The following PIBF1 variants were observed in gnomAD, a reference collection of about 807,000 sequenced individuals.
PIBF1 encodes the protein progesterone-induced-blocking factor 1.
PIBF1 carries 90 observed loss-of-function variants against 112.5 expected under a neutral mutation model. That is an observed-to-expected ratio of 0.80 (90% CI 0.67 to 0.95). PIBF1 has a LOEUF of 0.95. Among genes scored for constraint, PIBF1 ranks in the 40% least tolerant of loss-of-function variants. PIBF1 has a pLI of 0.00. For missense variants in PIBF1, 915 were observed against 852.3 expected, an observed-to-expected ratio of 1.07 and a Z score of -0.92; for synonymous variants, 301 against 288.6, an observed-to-expected ratio of 1.04 and a Z score of -0.44.
intron 16 of PIBF1, among the ~76,000 whole-genome samples, chr13:72,978,274 T>C (rs1478911455): frequency 6.6e-6 from 1 of 152,198 alleles, no homozygotes; most frequent in African/African-American, 2.4e-5. Context: ...ACTAAGTACA[T>C]CCACATAAAT....
At chr13:72,937,848 T>C (rs1000895557) in intron 14 of PIBF1, among the ~76,000 whole-genome samples, 1 of 152,088 alleles carries the variant, frequency 6.6e-6, no homozygotes, top group Non-Finnish European at 1.5e-5. Context: ...TAAACAGTGA[T>C]AATCTTATAA....
chr13:72,963,571 G>A (rs577648424), intron 14 of PIBF1, among the ~76,000 whole-genome samples: 4 of 152,224 alleles, frequency 2.6e-5, no homozygotes, highest in Admixed American at 2.0e-4. Flanking sequence ...TCCAGCCTGG[G>A]TGACAGAGCA....
chr13:73,002,983 CAAAAAAAAA>C (rs1161228077), intron 17 of PIBF1, among the ~76,000 whole-genome samples: 23 of 57,522 alleles, frequency 4.0e-4, no homozygotes, highest in African/African-American at 1.7e-3. Context: ...ACTCTGGTCT[CAAAAAAAAA>C]AAAAAAAAAA....
chr13:72,817,668 A>G (rs1322061357), intron 5 of PIBF1, among the ~76,000 whole-genome samples: 1 of 152,210 alleles, frequency 6.6e-6, no homozygotes, highest in Non-Finnish European at 1.5e-5. Flanking sequence ...GTGAAAAAAT[A>G]GGATAAACTC....
At position 72,950,004 on chromosome 13, in the gene PIBF1, G is replaced by A. The variant is rs556446936; in HGVS notation, c.1834-15270G>A. On this transcript the variant is annotated intron_variant, in intron 14 of 17. Coordinates refer to ENST00000326291, the MANE Select transcript of PIBF1 (RefSeq NM_006346.4). ...TAAATATCCAGAATGCTTCCTAGAC[G>A]TGTTTGTCTACTATGTGTAGGAGCA... 2.6e-5 allele frequency among the ~76,000 whole-genome samples: 4 copies of A among 152,270 alleles called. No individual in the cohort carries two copies. The South Asian group carries it at 8.3e-4, about 32-fold the overall frequency.
intron 10 of PIBF1, among the ~76,000 whole-genome samples, chr13:72,870,854 T>C (rs2039132127): frequency 6.6e-6 from 1 of 151,790 alleles, no homozygotes; most frequent in South Asian, 2.1e-4. Flanking sequence ...AGATAATTCA[T>C]TCACCTGATT....
At position 72,999,011 on chromosome 13, in the gene PIBF1, A is replaced by G. The variant is rs781562184; in HGVS notation, c.2223+16A>G. 1.4e-5 allele frequency: 21 copies of G among 1,481,568 alleles called. No homozygotes were observed. The highest frequency in any genetic ancestry group is 2.0e-5 in the Admixed American group (1 of 49,038). The allele number at this position is 1,481,568 out of a possible 1,614,324, so 91.8% of individuals were successfully genotyped here. A position where few individuals can be genotyped will look rare whatever the true frequency, so the allele number is the denominator to read the frequency against. ...AACACTCTTTGTAAGTACAATTTTT[A>G]AAACTCATAATTTTAATATTCCTGA... On this transcript the variant is annotated intron_variant, in intron 17 of 17. Coordinates refer to ENST00000326291, the MANE Select transcript of PIBF1 (RefSeq NM_006346.4).
At chr13:72,966,264 G>A (rs1192394543) in intron 15 of PIBF1, among the ~76,000 whole-genome samples, 2 of 152,046 alleles carry the variant, frequency 1.3e-5, no homozygotes, top group African/African-American at 2.4e-5. Flanking sequence ...AAGTATAAAT[G>A]TTATTTTTAA....
At chr13:72,842,148 G>A (rs980214066) in intron 9 of PIBF1, among the ~76,000 whole-genome samples, 1 of 152,142 alleles carries the variant, frequency 6.6e-6, no homozygotes, top group Non-Finnish European at 1.5e-5. Flanking sequence ...GCTAGCTTAT[G>A]TTTCCTAATT....
At chr13:72,927,595 C>G (rs2041529583) in intron 13 of PIBF1, among the ~76,000 whole-genome samples, 1 of 152,026 alleles carries the variant, frequency 6.6e-6, no homozygotes, top group African/African-American at 2.4e-5. Flanking sequence ...CCATGTTGGC[C>G]AGGCTGGTCT....
chr13:72,867,896 T>C (rs12429077), intron 10 of PIBF1, among the ~76,000 whole-genome samples: 32,768 of 152,204 alleles, frequency 0.22, 3,629 homozygotes, highest in Middle Eastern at 0.27. Context: ...GGACCCCAAA[T>C]GTGAATTTCT....
At chr13:72,917,580 A>G (rs2041146926) in intron 13 of PIBF1, among the ~76,000 whole-genome samples, 1 of 152,106 alleles carries the variant, frequency 6.6e-6, no homozygotes, top group Non-Finnish European at 1.5e-5. Context: ...ATATATTGTA[A>G]TTGAAACTAT....
chr13:72,820,458 T>G (rs2036501638), intron 5 of PIBF1, among the ~76,000 whole-genome samples: 1 of 152,172 alleles, frequency 6.6e-6, no homozygotes. Flanking sequence ...CATAGTAACA[T>G]TCCATTCTCA....
In PIBF1 at chr13:72,893,967, T is replaced by G; in HGVS notation, c.1488+18T>G. 1 of 1,535,254 alleles carries G rather than the reference T, an allele frequency of 6.5e-7. No individual in the cohort carries two copies. The highest frequency in any genetic ancestry group is 8.8e-7 in the Non-Finnish European group (1 of 1,133,684). Reference sequence around the variant, plus strand: ...AATTGGAGGTACATGTACAAGCTTTTCTTTCAACATTAGCATGGCATGTAA... The same window carrying G: ...AATTGGAGGTACATGTACAAGCTTTGCTTTCAACATTAGCATGGCATGTAA... On this transcript the variant is annotated intron_variant, in intron 11 of 17. Transcript: ENST00000326291.
At chr13:72,824,604 A>T (rs1382652652) in intron 6 of PIBF1, among the ~76,000 whole-genome samples, 2 of 152,150 alleles carry the variant, frequency 1.3e-5, no homozygotes, top group East Asian at 3.9e-4. Context: ...CCAAGCAATA[A>T]ATGTATATGC....
intron 9 of PIBF1, among the ~76,000 whole-genome samples, chr13:72,836,998 GTTC>G (rs1435689857): frequency 1.3e-5 from 2 of 151,312 alleles, no homozygotes; most frequent in Non-Finnish European, 2.9e-5. Flanking sequence ...ATTTTTTCTT[GTTC>G]TTCTCTTATT....
chr13:72,981,446 G>A (rs2043155900), intron 16 of PIBF1, among the ~76,000 whole-genome samples: 1 of 151,930 alleles, frequency 6.6e-6, no homozygotes, highest in African/African-American at 2.4e-5. Context: ...CAGAGTCATG[G>A]GAATCAGCTT....
chr13:72,952,578 T>C (rs2042328992), intron 14 of PIBF1, among the ~76,000 whole-genome samples: 1 of 151,792 alleles, frequency 6.6e-6, no homozygotes, highest in Non-Finnish European at 1.5e-5. Context: ...CTTATTGGGG[T>C]AGACTATTTT....
intron 14 of PIBF1, among the ~76,000 whole-genome samples, chr13:72,961,553 T>G (rs2138896660): frequency 6.6e-6 from 1 of 152,302 alleles, no homozygotes; most frequent in South Asian, 2.1e-4. Flanking sequence ...GAAAAATGTT[T>G]AAACATATAT....
Sources: allele counts gnomAD v4.1 joint callset (sites outside exome capture counted in the v4.1 genomes callset), GRCh38; gene constraint gnomAD v4.1.1; transcripts MANE v1.5; gene names NCBI Gene and HGNC (gene_info 2026-07-23, HGNC 2026-07-21).